Variants in THSD7A observed in about 807,000 individuals in gnomAD.
THSD7A encodes thrombospondin type-1 domain-containing protein 7A.
In THSD7A, 96 loss-of-function variants were observed where a neutral mutation model predicts 231.3. The ratio of observed to expected loss-of-function variants is 0.41; its 90% CI spans 0.35 to 0.49. THSD7A has a LOEUF of 0.49. Ranked by LOEUF, THSD7A falls within the 20% of genes least tolerant of loss-of-function variation. The pLI, the probability that THSD7A is intolerant of heterozygous loss-of-function variation, is 0.05. For missense variants in THSD7A, 2,290 were observed against 2,070.2 expected (o/e 1.11, Z -2.06); for synonymous variants, 940 against 743.3 (o/e 1.26, Z -4.30).
At chr7:11,640,936 A>T (rs1455798462) in intron 1 of THSD7A, among the ~76,000 whole-genome samples, 1 of 152,020 alleles carries the variant, frequency 6.6e-6, no homozygotes, top group East Asian at 1.9e-4. Flanking sequence ...GAGAAACTAA[A>T]TTTTCTCAAC....
chr7:11,691,262 G>C (rs1254435889), intron 1 of THSD7A, among the ~76,000 whole-genome samples: 1 of 151,312 alleles, frequency 6.6e-6, no homozygotes, highest in East Asian at 2.0e-4. Flanking sequence ...AGTCAACTAG[G>C]GACATTATTC....
intron 1 of THSD7A, among the ~76,000 whole-genome samples, chr7:11,766,605 C>A (rs1783036766): frequency 6.6e-6 from 1 of 152,048 alleles, no homozygotes; most frequent in Admixed American, 6.6e-5. Context: ...CCTAGCCAAG[C>A]AATAAATATA....
intron 1 of THSD7A, among the ~76,000 whole-genome samples, chr7:11,674,039 G>A (rs535161073): frequency 2.6e-5 from 4 of 151,752 alleles, no homozygotes; most frequent in Admixed American, 6.6e-5. Context: ...AACACACACC[G>A]ACTCTACAAG....
chr7:11,440,384 T>C (rs1784765839), intron 13 of THSD7A, among the ~76,000 whole-genome samples: 1 of 152,044 alleles, frequency 6.6e-6, no homozygotes, highest in Non-Finnish European at 1.5e-5. Flanking sequence ...AATTCTGACT[T>C]ACAAGTCTTA....
In THSD7A at chr7:11,634,087, T is replaced by A. The variant is rs2128359140; in HGVS notation, c.1022+2043A>T. On this transcript the variant is annotated intron_variant, in intron 2 of 27. Coordinates refer to ENST00000423059, the MANE Select transcript of THSD7A (RefSeq NM_015204.3). This position sits in a 1 kb window ranked among gnomAD's most constrained non-coding sequence, Gnocchi z 4.1. ...GGTCAAAATATCTGATTTTTATCTC[T>A]TCTTCTCTAGGACTTTCTTGATCAC... Among the ~76,000 whole-genome samples the A allele has an allele frequency of 6.6e-6, 1 of 152,252 alleles. No homozygotes were observed. The highest frequency in any genetic ancestry group is 1.5e-5 in the Non-Finnish European group (1 of 68,002).
At chr7:11,480,081 G>C (rs571730217) in intron 7 of THSD7A, among the ~76,000 whole-genome samples, 95 of 152,130 alleles carry the variant, frequency 6.2e-4, no homozygotes, top group African/African-American at 2.2e-3. Context: ...ATATTGTTTT[G>C]AATTAATGCC....
At chr7:11,734,400 TATTTA>T (rs973300975) in intron 1 of THSD7A, among the ~76,000 whole-genome samples, 7 of 151,952 alleles carry the variant, frequency 4.6e-5, no homozygotes, top group Non-Finnish European at 1.0e-4. Context: ...CAATTCAAAC[TATTTA>T]ATTTAAAGGC....
At chr7:11,610,574 A>G (rs142673954) in intron 2 of THSD7A, among the ~76,000 whole-genome samples, 2 of 152,144 alleles carry the variant, frequency 1.3e-5, no homozygotes, top group Non-Finnish European at 2.9e-5. Flanking sequence ...AGAATGTAGG[A>G]TGAACACAAT....
At chr7:11,821,310 A>T (rs1784866366) in intron 1 of THSD7A, 1 of 840,256 alleles carries the variant, frequency 1.2e-6, no homozygotes, top group African/African-American at 1.7e-5. Context: ...GGAAACCAAC[A>T]GTTTTGTTCT....
chr7:11,743,916 G>C (rs1583248199), intron 1 of THSD7A, among the ~76,000 whole-genome samples: 1 of 151,868 alleles, frequency 6.6e-6, no homozygotes, highest in African/African-American at 2.4e-5. Context: ...TGGGCTTTGC[G>C]CATATTGCTA....
intron 6 of THSD7A, among the ~76,000 whole-genome samples, chr7:11,517,066 T>C (rs1788060679): frequency 6.6e-6 from 1 of 152,152 alleles, no homozygotes. Flanking sequence ...AACATATAAA[T>C]ACTTCCATAT....
intron 1 of THSD7A, among the ~76,000 whole-genome samples, chr7:11,643,734 C>G (rs1202461066): frequency 6.6e-6 from 1 of 151,892 alleles, no homozygotes; most frequent in South Asian, 2.1e-4. Context: ...CATGATTTTT[C>G]TAACTGATGT....
chr7:11,828,760 AT>A (rs2128189075), intron 1 of THSD7A, among the ~76,000 whole-genome samples: 1 of 152,248 alleles, frequency 6.6e-6, no homozygotes, highest in East Asian at 1.9e-4. Context: ...ATTACATATA[AT>A]GTATAAGTAA....
intron 11 of THSD7A, among the ~76,000 whole-genome samples, chr7:11,455,859 G>C (rs918091576): frequency 6.6e-6 from 1 of 151,934 alleles, no homozygotes; most frequent in East Asian, 1.9e-4. Flanking sequence ...GAACACAATT[G>C]CTTCCCAAAT....
intron 14 of THSD7A, among the ~76,000 whole-genome samples, chr7:11,427,891 C>T (rs1784369820): frequency 2.6e-5 from 4 of 152,106 alleles, no homozygotes; most frequent in Admixed American, 6.5e-5. Context: ...GTTATTTACC[C>T]TCCATTGCAC....
At chr7:11,607,647 T>G (rs1780778642) in intron 2 of THSD7A, among the ~76,000 whole-genome samples, 1 of 152,114 alleles carries the variant, frequency 6.6e-6, no homozygotes, top group African/African-American at 2.4e-5. Context: ...ATTTATCAAT[T>G]CAAATGAGTG....
intron 13 of THSD7A, among the ~76,000 whole-genome samples, chr7:11,445,120 A>G (rs1010337080): frequency 2.6e-5 from 4 of 151,876 alleles, no homozygotes; most frequent in Non-Finnish European, 4.4e-5. Flanking sequence ...ATAGCAGGAT[A>G]TATTAATATT....
intron 8 of THSD7A, among the ~76,000 whole-genome samples, chr7:11,472,473 A>G (rs1785976237): frequency 1.3e-5 from 2 of 152,196 alleles, no homozygotes; most frequent in South Asian, 4.1e-4. Context: ...GAGAAAGGCA[A>G]TAATATTTTC....
intron 23 of THSD7A, among the ~76,000 whole-genome samples, chr7:11,395,468 A>G (rs1222376462): frequency 1.3e-5 from 2 of 152,072 alleles, no homozygotes; most frequent in African/African-American, 4.8e-5. Context: ...TGGACCAAGG[A>G]GACCTAATAG....
Sources: allele counts gnomAD v4.1 joint callset (sites outside exome capture counted in the v4.1 genomes callset), GRCh38; gene constraint gnomAD v4.1.1; non-coding constraint Gnocchi (gnomAD v3.1); transcripts MANE v1.5; gene names NCBI Gene and HGNC (gene_info 2026-07-23, HGNC 2026-07-21).